Variants in KCNH1 observed in about 807,000 individuals in gnomAD.
KCNH1 encodes voltage-gated delayed rectifier potassium channel KCNH1.
Under a neutral mutation model 69.2 loss-of-function variants are expected in KCNH1, and 27 were observed. The observed-to-expected ratio is 0.39, with a 90% CI of 0.29 to 0.54. The LOEUF is 0.54. KCNH1 is among the 20% of genes least tolerant of loss of function. The pLI is 0.68. For synonymous variants in KCNH1, 456 were observed against 487.7 expected (o/e 0.93, Z 0.86); for missense variants, 798 against 1,261.6 (o/e 0.63, Z 5.57).
At chr1:211,060,400 C>CAAATAAAAAAAA (rs1690413041) in intron 5 of KCNH1, among the ~76,000 whole-genome samples, 1 of 44,324 alleles carries the variant, frequency 2.3e-5, no homozygotes, top group Non-Finnish European at 3.5e-5. Context: ...GACTCCGTCT[C>CAAATAAAAAAAA]AAAAAAAAAA....
At chr1:211,036,134 G>A (rs1689892829) in intron 5 of KCNH1, among the ~76,000 whole-genome samples, 1 of 152,174 alleles carries the variant, frequency 6.6e-6, no homozygotes, top group African/African-American at 2.4e-5. Context: ...CTAAAATTGG[G>A]GGTTTATGTA....
At chr1:210,884,024 C>T (rs1040314666) in intron 7 of KCNH1, among the ~76,000 whole-genome samples, 1 of 152,176 alleles carries the variant, frequency 6.6e-6, no homozygotes, top group Non-Finnish European at 1.5e-5. Context: ...CAGCTCTAAT[C>T]CATGTCCCTG....
chr1:211,123,773 C>T (rs576851207), intron 1 of KCNH1, among the ~76,000 whole-genome samples: 1 of 151,962 alleles, frequency 6.6e-6, no homozygotes, highest in Admixed American at 6.6e-5. Context: ...AGAGAGTGAG[C>T]CGCGGGAGTG....
rs959982010 is a variant in KCNH1, at chr1:210,759,204, G to A, written c.2112+16144C>T. 1.8e-4 allele frequency among the ~76,000 whole-genome samples: 26 copies of A among 142,436 alleles called. 1 individual carries two copies. In the South Asian group the frequency reaches 5.1e-3, roughly 28 times the overall value. 93.4% of individuals were successfully genotyped at this position (142,436 alleles called of 152,430 possible). ...ATTTTATATATATATATAAAGAAGT[G>A]CTGGCTCTCTCAGGTGAGAGGGAAC... On this transcript the variant is annotated intron_variant, in intron 10 of 10. Coordinates refer to ENST00000271751, the MANE Select transcript of KCNH1 (RefSeq NM_172362.3).
intron 5 of KCNH1, among the ~76,000 whole-genome samples, chr1:211,042,885 T>C (rs558725094): frequency 3.9e-4 from 59 of 152,116 alleles, no homozygotes; most frequent in African/African-American, 1.3e-3. Context: ...CGTCAAAAAT[T>C]AAGATAGAAA....
chr1:210,757,784 C>T (rs1471817952), intron 10 of KCNH1, among the ~76,000 whole-genome samples: 1 of 152,258 alleles, frequency 6.6e-6, no homozygotes, highest in African/African-American at 2.4e-5. Flanking sequence ...ATTTGCATCT[C>T]CTTCCTCTGT....
At chr1:210,974,737 G>A (rs1688571995) in intron 6 of KCNH1, among the ~76,000 whole-genome samples, 2 of 151,774 alleles carry the variant, frequency 1.3e-5, no homozygotes, top group Admixed American at 1.3e-4. Flanking sequence ...CTAATTTTTT[G>A]TATTTTAGTA....
chr1:211,034,331 C>T (rs2102425978), intron 5 of KCNH1, among the ~76,000 whole-genome samples: 1 of 151,956 alleles, frequency 6.6e-6, no homozygotes, highest in East Asian at 1.9e-4. Flanking sequence ...TCAAAGATTA[C>T]ATACTTATGA....
intron 7 of KCNH1, among the ~76,000 whole-genome samples, chr1:210,805,743 A>G (rs906000085): frequency 1.3e-5 from 2 of 152,194 alleles, no homozygotes; most frequent in Non-Finnish European, 2.9e-5. Flanking sequence ...ATTAACAATC[A>G]TCCTCCATTT....
At chr1:210,772,739 C>G (rs553622022) in intron 10 of KCNH1, among the ~76,000 whole-genome samples, 1 of 152,238 alleles carries the variant, frequency 6.6e-6, no homozygotes, top group Non-Finnish European at 1.5e-5. Context: ...TTGATACACT[C>G]AAAGCAGCCT....
At position 211,123,506 on chromosome 1, in the gene KCNH1, GAGAC is replaced by G. The variant is rs979548319; in HGVS notation, c.79+10357_79+10360del. On this transcript the variant is annotated intron_variant, in intron 1 of 10. Transcript: ENST00000271751. ...TGGATAGGTGGAGGCAGAGACAGCA[GAGAC>G]AGACAGCAAAGAGACATGGACAGTG... Among the ~76,000 whole-genome samples, 88 of 152,116 alleles carry G rather than the reference GAGAC, an allele frequency of 5.8e-4. 6 individuals are homozygous for G. The highest frequency in any genetic ancestry group is 2.9e-5 in the Non-Finnish European group (2 of 68,016).
intron 6 of KCNH1, among the ~76,000 whole-genome samples, chr1:210,996,318 G>A (rs1196090429): frequency 6.6e-6 from 1 of 152,160 alleles, no homozygotes; most frequent in Non-Finnish European, 1.5e-5. Context: ...CTTAAAAAAC[G>A]GCACACCAGG....
chr1:210,944,832 T>C (rs1469620600), intron 6 of KCNH1, among the ~76,000 whole-genome samples: 1 of 152,236 alleles, frequency 6.6e-6, no homozygotes, highest in East Asian at 1.9e-4. Context: ...TTCACAAGGT[T>C]GTACAACCAT....
chr1:210,712,888 G>A (rs959247397), intron 10 of KCNH1, among the ~76,000 whole-genome samples: 10 of 152,082 alleles, frequency 6.6e-5, no homozygotes, highest in African/African-American at 2.2e-4. Context: ...AAGAAGTTAC[G>A]AACAGTTGCC....
intron 10 of KCNH1, among the ~76,000 whole-genome samples, chr1:210,694,631 C>T (rs1451390400): frequency 6.6e-6 from 1 of 152,250 alleles, no homozygotes; most frequent in African/African-American, 2.4e-5. Context: ...GCCCTAGTCC[C>T]AGGCCCCCTG....
At chr1:211,042,568 G>C (rs1251077662) in intron 5 of KCNH1, among the ~76,000 whole-genome samples, 1 of 152,212 alleles carries the variant, frequency 6.6e-6, no homozygotes, top group African/African-American at 2.4e-5. Flanking sequence ...CATCAAGACA[G>C]AAAGTCAATA....
At chr1:211,063,189 A>C (rs994755118) in intron 5 of KCNH1, among the ~76,000 whole-genome samples, 2 of 152,194 alleles carry the variant, frequency 1.3e-5, no homozygotes, top group African/African-American at 4.8e-5. Flanking sequence ...CTATTCAGTG[A>C]AATAAGTCAA....
chr1:210,883,979 A>G (rs1686549233), intron 7 of KCNH1, among the ~76,000 whole-genome samples: 1 of 152,232 alleles, frequency 6.6e-6, no homozygotes, highest in African/African-American at 2.4e-5. Context: ...GCTCTGGACA[A>G]TGATTCATCA....
At chr1:210,853,878 T>C (rs1198255586) in intron 7 of KCNH1, among the ~76,000 whole-genome samples, 1 of 141,518 alleles carries the variant, frequency 7.1e-6, no homozygotes, top group Non-Finnish European at 1.5e-5. Flanking sequence ...ATTCTTCTTC[T>C]AGGAGACTGA....
Sources: gnomAD v4.1 joint callset for allele counts (sites outside exome capture counted in the v4.1 genomes callset) on GRCh38, gnomAD v4.1.1 for gene constraint, MANE v1.5 for transcripts, NCBI Gene and HGNC (gene_info 2026-07-23, HGNC 2026-07-21) for gene names.